The following C10orf90 variants were observed in gnomAD, a reference collection of about 807,000 sequenced individuals.
The protein encoded by C10orf90 is (E2-independent) E3 ubiquitin-conjugating enzyme FATS.
A neutral mutation model predicts 62.5 loss-of-function variants in C10orf90; 56 were observed. That is an observed-to-expected ratio of 0.90 (90% confidence interval 0.72 to 1.12). The LOEUF (loss-of-function observed/expected upper bound fraction) is 1.12. Among genes scored for constraint, C10orf90 ranks in the 50% most tolerant of loss-of-function variants. C10orf90 has a pLI of 0.00. For synonymous variants in C10orf90, 386 were observed against 340.4 expected (o/e 1.13, Z -1.47); for missense variants, 970 against 880.4 (o/e 1.10, Z -1.29).
At chr10:126,546,547 C>A (rs1296845586) in intron 2 of C10orf90, among the ~76,000 whole-genome samples, 1 of 152,130 alleles carries the variant, frequency 6.6e-6, no homozygotes, top group East Asian at 1.9e-4. Flanking sequence ...GGGGAAGCCA[C>A]GTGGGAAGCA....
At chr10:126,632,623 G>T (rs1165358059) in intron 2 of C10orf90, among the ~76,000 whole-genome samples, 1 of 152,076 alleles carries the variant, frequency 6.6e-6, no homozygotes, top group Non-Finnish European at 1.5e-5. Context: ...TGTTGTAGAA[G>T]CATGGCAATA....
At chr10:126,646,175 A>G (rs1846167128) in intron 2 of C10orf90, among the ~76,000 whole-genome samples, 1 of 152,252 alleles carries the variant, frequency 6.6e-6, no homozygotes, top group Non-Finnish European at 1.5e-5. Flanking sequence ...TTTATAAAAA[A>G]GATTTATGAA....
At chr10:126,644,188 C>CT (rs1591169677) in intron 2 of C10orf90, among the ~76,000 whole-genome samples, 1 of 152,348 alleles carries the variant, frequency 6.6e-6, no homozygotes, top group East Asian at 1.9e-4. Context: ...CTAAGCTCCT[C>CT]TTTTTAATTT....
rs922380249 is a variant in C10orf90 at position 126,524,721 on chromosome 10, A to C, written c.314-10782T>G. 13 of 985,576 alleles carry C rather than the reference A, an allele frequency of 1.3e-5. No homozygotes were observed. The African/African-American group carries it at 2.3e-4, about 17-fold the overall frequency. 61.1% of individuals were successfully genotyped at this position (985,576 alleles called of 1,614,324 possible). A position where few individuals can be genotyped will look rare whatever the true frequency, so the allele number is the denominator to read the frequency against. On this transcript the variant is annotated intron_variant, in intron 2 of 9. Coordinates refer to ENST00000488181, the MANE Select transcript of C10orf90 (RefSeq NM_001350921.2). ...GCTCATCTTCCTCATCCGCGAGGCA[A>C]GGAGTGCACGCACCTGTATGGCCCC...
At chr10:126,603,776 T>C (rs1342979790) in intron 2 of C10orf90, among the ~76,000 whole-genome samples, 1 of 152,162 alleles carries the variant, frequency 6.6e-6, no homozygotes, top group Non-Finnish European at 1.5e-5. Flanking sequence ...GGTTCTTATA[T>C]ACCTCCCAGG....
At chr10:126,653,220 T>G (rs2133861262) in intron 1 of C10orf90, among the ~76,000 whole-genome samples, 1 of 152,172 alleles carries the variant, frequency 6.6e-6, no homozygotes, top group East Asian at 1.9e-4. Context: ...ACAATGAAGT[T>G]TGCTGCATCA....
rs141530806 is a variant in C10orf90, at chr10:126,564,450, G to A, written c.314-50511C>T. 3.7e-3 allele frequency among the ~76,000 whole-genome samples: 558 copies of A among 151,856 alleles called. 3 individuals carry two copies. Among genetic ancestry groups the A allele is most frequent in the African/African-American group, 0.012 (494 of 41,400 alleles). Reference sequence around the variant, plus strand: ...CCTGCAAACCTTCAAGGAACAAACAGCTTGGCTCTCAGAGGAGGCCATAGT... The same window carrying A: ...CCTGCAAACCTTCAAGGAACAAACAACTTGGCTCTCAGAGGAGGCCATAGT... On this transcript the variant is annotated intron_variant, in intron 2 of 9. Coordinates refer to ENST00000488181, the MANE Select transcript of C10orf90 (RefSeq NM_001350921.2).
intron 2 of C10orf90, among the ~76,000 whole-genome samples, chr10:126,618,078 A>T (rs544999440): frequency 6.6e-6 from 1 of 152,294 alleles, no homozygotes; most frequent in African/African-American, 2.4e-5. Flanking sequence ...GGGCTCCCTC[A>T]CCATGAGGCT....
chr10:126,603,400 G>A (rs558584909), intron 2 of C10orf90, among the ~76,000 whole-genome samples: 16 of 152,174 alleles, frequency 1.1e-4, no homozygotes, highest in South Asian at 2.1e-4. Context: ...GGGGGTAACC[G>A]CCCCCATGAT....
chr10:126,595,167 C>T (rs1026524286), intron 2 of C10orf90, among the ~76,000 whole-genome samples: 1 of 152,296 alleles, frequency 6.6e-6, no homozygotes, highest in East Asian at 1.9e-4. Context: ...TGTGCAACCA[C>T]TTGCACTTAA....
chr10:126,508,188 A>AGAGAGG (rs1862883671), intron 3 of C10orf90, among the ~76,000 whole-genome samples: 1 of 151,464 alleles, frequency 6.6e-6, no homozygotes, highest in Non-Finnish European at 1.5e-5. Context: ...AGAGAGAGAG[A>AGAGAGG]GAGTGTGTGT....
intron 2 of C10orf90, among the ~76,000 whole-genome samples, chr10:126,629,418 G>A (rs185613500): frequency 2.2e-4 from 33 of 152,196 alleles, no homozygotes; most frequent in African/African-American, 7.5e-4. Flanking sequence ...CCATCTCTTC[G>A]GCACCCTCAG....
chr10:126,620,623 C>G (rs1845626458), intron 2 of C10orf90, among the ~76,000 whole-genome samples: 1 of 151,852 alleles, frequency 6.6e-6, no homozygotes, highest in Non-Finnish European at 1.5e-5. Context: ...CTCCTTTACT[C>G]CACTATCTTA....
chr10:126,524,547 C>A, intron 2 of C10orf90: 1 of 800,788 alleles, frequency 1.2e-6, no homozygotes, highest in Non-Finnish European at 1.5e-6. Context: ...CAAGAAGGTG[C>A]ACTGGGAGAA....
intron 2 of C10orf90, among the ~76,000 whole-genome samples, chr10:126,605,687 G>A (rs1051027269): frequency 8.6e-5 from 13 of 151,988 alleles, no homozygotes; most frequent in African/African-American, 3.1e-4. Flanking sequence ...ACTGAGAGAT[G>A]GAGCCTGCCA....
At chr10:126,576,668 T>TGG (rs1451508426) in intron 2 of C10orf90, among the ~76,000 whole-genome samples, 2 of 53,436 alleles carry the variant, frequency 3.7e-5, no homozygotes, top group African/African-American at 8.8e-5. Flanking sequence ...TGTATACATA[T>TGG]ATATGTATAC....
intron 1 of C10orf90, among the ~76,000 whole-genome samples, chr10:126,655,490 C>A (rs1464186062): frequency 2.0e-5 from 3 of 152,034 alleles, no homozygotes; most frequent in African/African-American, 7.2e-5. Flanking sequence ...ATACAATTGC[C>A]ACAAACCTTC....
intron 4 of C10orf90, among the ~76,000 whole-genome samples, chr10:126,491,006 T>C (rs969911719): frequency 1.3e-5 from 2 of 152,188 alleles, no homozygotes; most frequent in African/African-American, 4.8e-5. Context: ...AGAAATGATA[T>C]ATCTCCGTAA....
At chr10:126,508,030 C>T (rs1167141833) in intron 3 of C10orf90, among the ~76,000 whole-genome samples, 2 of 148,446 alleles carry the variant, frequency 1.3e-5, no homozygotes, top group East Asian at 3.9e-4. Flanking sequence ...TGACACTGCT[C>T]TTTGAAGAAA....
Sources: gnomAD v4.1 joint callset for allele counts (sites outside exome capture counted in the v4.1 genomes callset) on GRCh38, gnomAD v4.1.1 for gene constraint, MANE v1.5 for transcripts, NCBI Gene and HGNC (gene_info 2026-07-23, HGNC 2026-07-21) for gene names.